The following PTPRG variants were observed in gnomAD, a reference collection of about 807,000 sequenced individuals.
The protein encoded by PTPRG is receptor-type tyrosine-protein phosphatase gamma.
Under a neutral mutation model 165.3 loss-of-function variants are expected in PTPRG, and 102 were observed. The observed-to-expected ratio is 0.62, with a 90% CI of 0.53 to 0.73. The LOEUF (loss-of-function observed/expected upper bound fraction) is 0.73. Ranked by LOEUF, PTPRG falls within the 30% of genes least tolerant of loss-of-function variation. PTPRG has a pLI of 0.00. For missense variants in PTPRG, 1,866 were observed against 1,861.4 expected (o/e 1.00, Z -0.05); for synonymous variants, 675 against 669.5 (o/e 1.01, Z -0.13).
At chr3:61,898,581 T>G (rs2038420915) in intron 2 of PTPRG, among the ~76,000 whole-genome samples, 1 of 152,220 alleles carries the variant, frequency 6.6e-6, no homozygotes, top group Non-Finnish European at 1.5e-5. Flanking sequence ...TTTTCTGGTT[T>G]GGCAGTTGAA....
intron 13 of PTPRG, among the ~76,000 whole-genome samples, chr3:62,220,956 C>A (rs1018308006): frequency 6.6e-6 from 1 of 152,136 alleles, no homozygotes; most frequent in Non-Finnish European, 1.5e-5. Context: ...GATCCTCTAC[C>A]CACCCCTAAA....
At chr3:61,811,238 C>T (rs2035565508) in intron 2 of PTPRG, among the ~76,000 whole-genome samples, 1 of 152,090 alleles carries the variant, frequency 6.6e-6, no homozygotes, top group Admixed American at 6.6e-5. Context: ...CTTTACTTGG[C>T]CTCTCTGTTC....
intron 2 of PTPRG, chr3:61,749,327 G>A (rs1475973543): frequency 2.6e-6 from 1 of 379,660 alleles, no homozygotes; most frequent in Non-Finnish European, 5.0e-6. Context: ...AAAATATATG[G>A]CTAGTCTTGA....
intron 4 of PTPRG, among the ~76,000 whole-genome samples, chr3:62,034,575 C>A (rs749293645): frequency 2.0e-5 from 3 of 152,166 alleles, no homozygotes; most frequent in Admixed American, 6.5e-5. Context: ...CTTCCTAGTT[C>A]GTCAGTTACA....
intron 4 of PTPRG, among the ~76,000 whole-genome samples, chr3:62,055,221 C>T (rs972625512): frequency 1.3e-5 from 2 of 152,154 alleles, no homozygotes; most frequent in African/African-American, 4.8e-5. Flanking sequence ...TAATATAGGA[C>T]TATTATTATA....
At chr3:61,838,234 T>TG (rs2036527698) in intron 2 of PTPRG, among the ~76,000 whole-genome samples, 1 of 152,194 alleles carries the variant, frequency 6.6e-6, no homozygotes. Context: ...AATAGTTAAA[T>TG]GGGGAAGGTT....
chr3:62,154,037 C>A lies in PTPRG; in HGVS notation c.683-3030C>A, dbSNP rs371340231. Among the ~76,000 whole-genome samples the A allele has an allele frequency of 8.9e-4, 136 of 152,328 alleles. 5 individuals carry two copies. The South Asian group carries it at 0.028, about 31-fold the overall frequency. ...TTTGACCTTAGGTCTTTTACTTCAT[C>A]CTGGTCTTCTATTTATCCAGCCCTA... On this transcript the variant is annotated intron_variant, in intron 6 of 29. Coordinates refer to ENST00000474889, the MANE Select transcript of PTPRG (RefSeq NM_002841.4).
chr3:62,195,078 A>G lies in PTPRG; in HGVS notation c.1235A>G (p.His412Arg), dbSNP rs757164566. Reference sequence around the variant, plus strand: ...TACTTACAGAAAGCCACCATTAGCCATGTCTCACCCGATAGCCTTTACCTG... The same window carrying G: ...TACTTACAGAAAGCCACCATTAGCCGTGTCTCACCCGATAGCCTTTACCTG... Reference protein sequence around the residue: ...SDKDLKATISHVSPDSLYLFR... With the variant: ...SDKDLKATISRVSPDSLYLFR... Residue 412 changes from histidine (H) to arginine (R), a missense_variant, in exon 10 of 30, where the codon CAT becomes CGT. Transcript: ENST00000474889. This position sits in a 1 kb window ranked among gnomAD's most constrained non-coding sequence, Gnocchi z 4.4. The G allele has an allele frequency of 3.1e-6, 5 of 1,614,182 alleles. No individual in the cohort carries two copies. The East Asian group carries it at 1.1e-4, about 36-fold the overall frequency.
intron 2 of PTPRG, among the ~76,000 whole-genome samples, chr3:61,810,029 C>T (rs961290212): frequency 1.3e-5 from 2 of 152,176 alleles, no homozygotes; most frequent in Admixed American, 1.3e-4. Flanking sequence ...AACTGTTTAG[C>T]CTGTTGAGCC....
At chr3:61,817,126 TACAC>T (rs368575650) in intron 2 of PTPRG, among the ~76,000 whole-genome samples, 5 of 129,902 alleles carry the variant, frequency 3.8e-5, no homozygotes, top group Non-Finnish European at 6.3e-5. Context: ...ACATATGTAT[TACAC>T]ATAATACATA....
intron 2 of PTPRG, among the ~76,000 whole-genome samples, chr3:61,877,388 T>A (rs762600136): frequency 6.6e-6 from 1 of 152,216 alleles, no homozygotes; most frequent in Non-Finnish European, 1.5e-5. Flanking sequence ...GGTTTTTAAC[T>A]CTGGTGCAAA....
chr3:61,581,607 T>C (rs1559511253), intron 1 of PTPRG, among the ~76,000 whole-genome samples: 2 of 93,088 alleles, frequency 2.1e-5, no homozygotes, highest in Admixed American at 2.6e-4. Flanking sequence ...GCTTCTTTTT[T>C]TCTTTTTTTT....
intron 1 of PTPRG, among the ~76,000 whole-genome samples, chr3:61,610,592 A>C (rs1701136550): frequency 6.6e-6 from 1 of 152,248 alleles, no homozygotes; most frequent in African/African-American, 2.4e-5. Context: ...AAGAACAGGA[A>C]CTGAATGTTA....
intron 2 of PTPRG, among the ~76,000 whole-genome samples, chr3:61,886,834 G>A (rs1559669800): frequency 6.6e-6 from 1 of 150,812 alleles, no homozygotes; most frequent in Non-Finnish European, 1.5e-5. Flanking sequence ...GTAAACAGTT[G>A]ATTACATGTT....
At chr3:61,913,380 C>T (rs900477914) in intron 2 of PTPRG, among the ~76,000 whole-genome samples, 20 of 152,212 alleles carry the variant, frequency 1.3e-4, no homozygotes, top group Admixed American at 9.2e-4. Context: ...CCACCACGCC[C>T]GCCTAATTTT....
intron 2 of PTPRG, among the ~76,000 whole-genome samples, chr3:61,970,397 T>A (rs1006107763): frequency 1.3e-5 from 2 of 152,226 alleles, no homozygotes; most frequent in African/African-American, 4.8e-5. Context: ...TAAGGAGGGC[T>A]GAAGAAAACA....
intron 1 of PTPRG, among the ~76,000 whole-genome samples, chr3:61,620,495 G>T (rs1701419938): frequency 6.6e-6 from 1 of 152,160 alleles, no homozygotes; most frequent in South Asian, 2.1e-4. Flanking sequence ...AATCCGCCAG[G>T]AATCAAATAC....
intron 3 of PTPRG, among the ~76,000 whole-genome samples, chr3:61,993,812 T>A (rs1462572969): frequency 6.6e-6 from 1 of 152,178 alleles, no homozygotes; most frequent in Non-Finnish European, 1.5e-5. Flanking sequence ...TACAGGTCAC[T>A]TATCTGTAAA....
At chr3:61,659,868 A>G (rs967150824) in intron 1 of PTPRG, among the ~76,000 whole-genome samples, 4 of 152,212 alleles carry the variant, frequency 2.6e-5, no homozygotes, top group African/African-American at 7.2e-5. Flanking sequence ...TTTTTAAATA[A>G]GGAAAACTAG....
Sources: allele counts gnomAD v4.1 joint callset (sites outside exome capture counted in the v4.1 genomes callset), GRCh38; gene constraint gnomAD v4.1.1; non-coding constraint Gnocchi (gnomAD v3.1); transcripts MANE v1.5; gene names NCBI Gene and HGNC (gene_info 2026-07-23, HGNC 2026-07-21).